LRP4: variants seen among roughly 807,000 people sequenced by gnomAD.
LRP4 encodes low-density lipoprotein receptor-related protein 4.
In LRP4, 95 loss-of-function variants were observed where a neutral mutation model predicts 220.3. The ratio of observed to expected loss-of-function variants is 0.43; its 90% confidence interval spans 0.37 to 0.51. The LOEUF (loss-of-function observed/expected upper bound fraction) is 0.51. Among genes scored for constraint, LRP4 ranks in the 20% least tolerant of loss-of-function variants. The pLI is 0.00. For missense variants in LRP4, 1,925 were observed against 2,567.0 expected (o/e 0.75, Z 5.40); for synonymous variants, 903 against 954.6 (o/e 0.95, Z 1.00).
At chr11:46,900,936 G>C (rs1292640006) in intron 2 of LRP4, among the ~76,000 whole-genome samples, 1 of 151,912 alleles carries the variant, frequency 6.6e-6, no homozygotes, top group East Asian at 1.9e-4. Context: ...ACAGGTGCCC[G>C]CTGCCACACC....
chr11:46,875,121 A>T lies in LRP4; in HGVS notation c.3926-18T>A, dbSNP rs760083959. ...GTTAAAACCTGGTGATGAGAAGCAC[A>T]AGTATTCACACCTAGCCTGGAACAT... On this transcript the variant is annotated intron_variant, in intron 27 of 37. Coordinates refer to ENST00000378623, the MANE Select transcript of LRP4 (RefSeq NM_002334.4). This position sits in a 1 kb window ranked among gnomAD's most constrained non-coding sequence, Gnocchi z 4.5. 13 of 1,608,806 alleles carry T rather than the reference A, an allele frequency of 8.1e-6. No homozygotes were observed. In the Admixed American group the frequency reaches 2.0e-4, roughly 25 times the overall value.
At chr11:46,912,174 T>C (rs1941871384) in intron 1 of LRP4, among the ~76,000 whole-genome samples, 1 of 152,204 alleles carries the variant, frequency 6.6e-6, no homozygotes, top group Non-Finnish European at 1.5e-5. Context: ...GGGAATCTAA[T>C]GTTACCTACC....
intron 28 of LRP4, chr11:46,874,332 T>C (rs1479221461): frequency 6.0e-6 from 1 of 166,706 alleles, no homozygotes; most frequent in Non-Finnish European, 1.3e-5. Context: ...CAGGACATCA[T>C]ATTCCTAAGC....
chr11:46,861,523 C>CTTTTTT (rs576719115), intron 37 of LRP4, among the ~76,000 whole-genome samples: 31,373 of 82,134 alleles, frequency 0.38, 9,383 homozygotes, highest in South Asian at 0.56. Flanking sequence ...GGAAATGGGA[C>CTTTTTT]TTTTTTTTTT....
intron 30 of LRP4, among the ~76,000 whole-genome samples, chr11:46,872,154 G>GTTA (rs1940882377): frequency 6.6e-6 from 1 of 152,184 alleles, no homozygotes; most frequent in Non-Finnish European, 1.5e-5. Flanking sequence ...TACTTGGGAG[G>GTTA]CTGCGGCACG....
At chr11:46,887,584 G>T (rs1229095654) in intron 16 of LRP4, among the ~76,000 whole-genome samples, 1 of 152,066 alleles carries the variant, frequency 6.6e-6, no homozygotes, top group African/African-American at 2.4e-5. Context: ...TGTAATCCCA[G>T]CACTTTGGGA....
At chr11:46,903,715 G>A (rs1446772358) in intron 1 of LRP4, among the ~76,000 whole-genome samples, 1 of 152,206 alleles carries the variant, frequency 6.6e-6, no homozygotes, top group Non-Finnish European at 1.5e-5. Context: ...GAATTAAAAT[G>A]CTGGAGCCTC....
At position 46,890,326 on chromosome 11, in the gene LRP4, G is replaced by A. The variant is rs532365028; in HGVS notation, c.1866C>T (p.Ile622=). The change falls in exon 14 of 38, where the codon ATC becomes ATT. Residue 622 remains isoleucine, a synonymous_variant. Coordinates refer to ENST00000378623, the MANE Select transcript of LRP4 (RefSeq NM_002334.4). The surrounding 1 kb of genome is among the most constrained non-coding windows in gnomAD (Gnocchi z 5.3). ...GACTCCCATCCAGATTGGCCCTCTC[G>A]ATGACATGGTGCTTAGCATCCACCC... The part of the protein sequence containing the change: ...MYWVDAKHHV[I]ERANLDGSHR... The A allele has an allele frequency of 1.1e-5, 18 of 1,614,160 alleles. No individual in the cohort carries two copies. The highest frequency in any genetic ancestry group is 1.1e-4 in the East Asian group (5 of 44,874).
At chr11:46,863,584 C>CAAAAAAAAAAAAAAAAAAAAA (rs55744712) in intron 36 of LRP4, among the ~76,000 whole-genome samples, 1 of 54,148 alleles carries the variant, frequency 1.8e-5, no homozygotes, top group Non-Finnish European at 3.8e-5. Context: ...ACTAAAAATA[C>CAAAAAAAAAAAAAAAAAAAAA]AAAAAAAAAA....
chr11:46,908,118 G>T (rs1343844640), intron 1 of LRP4, among the ~76,000 whole-genome samples: 1 of 152,026 alleles, frequency 6.6e-6, no homozygotes, highest in East Asian at 1.9e-4. Flanking sequence ...TTTTAGTAGA[G>T]ACGGGGATTC....
intron 33 of LRP4, 81 bp downstream of exon 33, chr11:46,868,519 T>C: frequency 2.0e-6 from 2 of 985,958 alleles, no homozygotes; most frequent in Non-Finnish European, 3.3e-6. Context: ...GAAGGACAGA[T>C]CAGACCAGTA....
intron 20 of LRP4, among the ~76,000 whole-genome samples, chr11:46,879,557 C>A (rs1941101311): frequency 6.6e-6 from 1 of 152,228 alleles, no homozygotes; most frequent in Admixed American, 6.5e-5. Flanking sequence ...CTATTACTCA[C>A]ATCATCTCAA....
At chr11:46,871,938 A>T (rs1592519106) in intron 30 of LRP4, among the ~76,000 whole-genome samples, 1 of 152,246 alleles carries the variant, frequency 6.6e-6, no homozygotes, top group African/African-American at 2.4e-5. Context: ...ATCAAAGCCC[A>T]ATTTCTTACA....
Position 46,881,687 on chromosome 11 carries a change from T to A in LRP4, c.2814+15A>T, listed in dbSNP as rs1941163332. The A allele has an allele frequency of 6.2e-7, 1 of 1,607,502 alleles. No homozygotes were observed. Among genetic ancestry groups the A allele is most frequent in the African/African-American group, 1.4e-5 (1 of 71,922 alleles). Reference sequence around the variant, plus strand: ...TTTAGTGCCACCCTTACCTTCCTCTTACTGCCACCCTTACCTTCCTCTTAC... The same window carrying A: ...TTTAGTGCCACCCTTACCTTCCTCTAACTGCCACCCTTACCTTCCTCTTAC... On this transcript the variant is annotated intron_variant, in intron 20 of 37. Transcript: ENST00000378623.
intron 13 of LRP4, among the ~76,000 whole-genome samples, chr11:46,891,570 AGGT>A (rs1941425974): frequency 6.6e-6 from 1 of 152,166 alleles, no homozygotes; most frequent in African/African-American, 2.4e-5. Flanking sequence ...TAAAAGCCAG[AGGT>A]GAGAACTTCA....
chr11:46,895,397 G>T, intron 10 of LRP4, 106 bp from the exon 11 acceptor site: 1 of 1,491,736 alleles, frequency 6.7e-7, no homozygotes, highest in Non-Finnish European at 9.2e-7. Flanking sequence ...TACTTTCCAG[G>T]CCTAGTGGGA....
At chr11:46,869,903 C>T (rs998313334) in intron 31 of LRP4, among the ~76,000 whole-genome samples, 7 of 151,824 alleles carry the variant, frequency 4.6e-5, no homozygotes, top group Admixed American at 3.3e-4. Context: ...GTCAGGAGTT[C>T]GAAACCAGCC....
intron 15 of LRP4, 30 bp downstream of exon 15, chr11:46,889,914 C>A: frequency 6.2e-7 from 1 of 1,614,014 alleles, no homozygotes; most frequent in Non-Finnish European, 8.5e-7. Flanking sequence ...CATGAGGCTA[C>A]TTTGGCTCAC....
rs769952009 is a variant in LRP4 at position 46,881,813 on chromosome 11, A to G, written c.2703T>C (p.Asn901=). 8 of 1,614,084 alleles carry G rather than the reference A, an allele frequency of 5.0e-6. No homozygotes were observed. In the South Asian group the frequency reaches 8.8e-5, roughly 18 times the overall value. The change falls in exon 20 of 38, where the codon AAT becomes AAC. Residue 901 remains asparagine, a synonymous_variant. Transcript: ENST00000378623. The part of the protein sequence containing the change: ...ASGRQVIISS[N]LTWPNGLAID... Reference sequence around the variant, plus strand: ...TAGCTAACCCATTAGGCCAGGTCAGATTAGAAGAGATAATGACTTGGCGGC... The same window carrying G: ...TAGCTAACCCATTAGGCCAGGTCAGGTTAGAAGAGATAATGACTTGGCGGC...
Sources: allele counts gnomAD v4.1 joint callset (sites outside exome capture counted in the v4.1 genomes callset), GRCh38; gene constraint gnomAD v4.1.1; non-coding constraint Gnocchi (gnomAD v3.1); transcripts MANE v1.5; gene names NCBI Gene and HGNC (gene_info 2026-07-23, HGNC 2026-07-21).